The following FAR1 variants were observed in gnomAD, a reference collection of about 807,000 sequenced individuals.
FAR1 encodes fatty acyl-CoA reductase 1, also known as male sterility domain-containing protein 2.
In FAR1, 22 loss-of-function variants were observed where a neutral mutation model predicts 61.1. The observed-to-expected ratio is 0.36, with a 90% CI of 0.26 to 0.51. The LOEUF is 0.51. Ranked by LOEUF, FAR1 falls within the 20% of genes least tolerant of loss-of-function variation. The pLI is 0.95. For missense variants in FAR1, 359 were observed against 626.9 expected (o/e 0.57, Z 4.56); for synonymous variants, 206 against 209.7 (o/e 0.98, Z 0.15).
At chr11:13,707,088 G>T (rs1848440291) in intron 3 of FAR1, among the ~76,000 whole-genome samples, 1 of 152,042 alleles carries the variant, frequency 6.6e-6, no homozygotes, top group Admixed American at 6.6e-5. Context: ...AATTATTTTA[G>T]TAGCTATATT....
intron 9 of FAR1, among the ~76,000 whole-genome samples, chr11:13,716,483 G>T (rs541304558): frequency 2.0e-5 from 3 of 152,286 alleles, no homozygotes; most frequent in Non-Finnish European, 2.9e-5. Flanking sequence ...GAAAGAGGCC[G>T]GTGGGCAGAG....
chr11:13,675,249 A>G (rs908362207), intron 1 of FAR1, among the ~76,000 whole-genome samples: 5 of 152,160 alleles, frequency 3.3e-5, no homozygotes, highest in African/African-American at 1.2e-4. Context: ...GACTGTACAT[A>G]TGTGAAACAG....
Position 13,680,264 on chromosome 11 carries a change from G to A in FAR1, c.-8+11458G>A, listed in dbSNP as rs1467410798. On this transcript the variant is annotated intron_variant, in intron 1 of 11. Transcript: ENST00000354817. ...TTGCTTATAGATTTCTTTCAGGTGAGGTTTTCTTTTTTGAGATAGGTTCTC... is the reference window on the plus strand; with the variant it reads ...TTGCTTATAGATTTCTTTCAGGTGAAGTTTTCTTTTTTGAGATAGGTTCTC... Among the ~76,000 whole-genome samples, 5 of 152,210 alleles carry A rather than the reference G, an allele frequency of 3.3e-5. No individual in the cohort carries two copies. In the East Asian group the frequency reaches 9.7e-4, roughly 29 times the overall value.
At chr11:13,715,686 C>G (rs1848547847) in intron 9 of FAR1, 1 of 151,902 alleles carries the variant, frequency 6.6e-6, no homozygotes, top group Non-Finnish European at 1.5e-5. Context: ...GCTTTTCTTT[C>G]TTTTTTTTGT....
At chr11:13,699,965 CATTGTCCTAATGTCTAT>C (rs2134183619) in intron 2 of FAR1, among the ~76,000 whole-genome samples, 1 of 152,200 alleles carries the variant, frequency 6.6e-6, no homozygotes, top group East Asian at 1.9e-4. Context: ...TCATTTTAAA[CATTGTCCTAATGTCTAT>C]ATTGCTGAAG....
chr11:13,683,202 G>A (rs1848147643), intron 1 of FAR1, among the ~76,000 whole-genome samples: 1 of 152,082 alleles, frequency 6.6e-6, no homozygotes, highest in Admixed American at 6.6e-5. Flanking sequence ...AGACCAGCCT[G>A]GCCAACATGG....
At chr11:13,676,228 C>G (rs897108883) in intron 1 of FAR1, among the ~76,000 whole-genome samples, 4 of 152,034 alleles carry the variant, frequency 2.6e-5, no homozygotes, top group African/African-American at 9.7e-5. Context: ...TAATTGAATT[C>G]TTGGGGAAAA....
chr11:13,723,225 C>G (rs942425089), intron 10 of FAR1: 1 of 269,892 alleles, frequency 3.7e-6, no homozygotes. Context: ...ATCAGACAGG[C>G]ATGGTGACAT....
intron 1 of FAR1, among the ~76,000 whole-genome samples, chr11:13,678,303 C>T (rs193242528): frequency 3.3e-5 from 5 of 152,080 alleles, no homozygotes; most frequent in African/African-American, 9.6e-5. Context: ...CTCGCTGTGT[C>T]GCCCAGGAGG....
At chr11:13,704,300 A>C (rs762459676) in intron 3 of FAR1, among the ~76,000 whole-genome samples, 78 of 152,112 alleles carry the variant, frequency 5.1e-4, no homozygotes, top group Non-Finnish European at 8.4e-4. Flanking sequence ...GAAAATTCAT[A>C]GTACAAAATT....
At chr11:13,694,514 A>G (rs2134179802) in intron 1 of FAR1, among the ~76,000 whole-genome samples, 1 of 152,372 alleles carries the variant, frequency 6.6e-6, no homozygotes, top group Non-Finnish European at 1.5e-5. Flanking sequence ...ACTCAAGTCC[A>G]GAGAACGTGA....
intron 9 of FAR1, among the ~76,000 whole-genome samples, chr11:13,717,710 G>A (rs749465009): frequency 1.3e-5 from 2 of 152,174 alleles, no homozygotes; most frequent in Non-Finnish European, 2.9e-5. Context: ...AGCAGGACAT[G>A]CGGTTTTTGT....
chr11:13,713,855 ATTC>A (rs1267716262), intron 8 of FAR1, among the ~76,000 whole-genome samples: 20 of 152,126 alleles, frequency 1.3e-4, no homozygotes, highest in Admixed American at 5.9e-4. Context: ...TATTTTCAGT[ATTC>A]TTTTAAGAAT....
chr11:13,699,243 A>G (rs905478617), intron 2 of FAR1, among the ~76,000 whole-genome samples: 1 of 152,170 alleles, frequency 6.6e-6, no homozygotes, highest in African/African-American at 2.4e-5. Flanking sequence ...GCTTAACACT[A>G]TATTTTAATT....
At chr11:13,683,925 G>A (rs766935151) in intron 1 of FAR1, among the ~76,000 whole-genome samples, 6 of 152,220 alleles carry the variant, frequency 3.9e-5, no homozygotes, top group Non-Finnish European at 7.3e-5. Flanking sequence ...TATACCTGTT[G>A]TGAGTTACTG....
Position 13,730,572 on chromosome 11 carries a change from C to G in FAR1, c.*1798C>G, listed in dbSNP as rs575712365. On this transcript the variant is annotated 3_prime_UTR_variant, in exon 12 of 12. Transcript: ENST00000354817. ...ATAATATACATTGAGTACTCCATCT[C>G]TCCAAATGTATTTCCATAATGTGTT... The G allele has an allele frequency of 7.2e-5, 11 of 152,036 alleles. No individual in the cohort carries two copies. Among genetic ancestry groups the G allele is most frequent in the Non-Finnish European group, 1.3e-4 (9 of 67,954 alleles). The allele number at this position is 152,036 out of a possible 1,614,324, so 9.4% of individuals were successfully genotyped here. A position where few individuals can be genotyped will look rare whatever the true frequency, so the allele number is the denominator to read the frequency against.
rs751802692 is a variant in FAR1, at chr11:13,711,999, A to G, written c.840A>G (p.Val280=). 6.2e-7 allele frequency: 1 copy of G among 1,613,416 alleles called. No individual in the cohort carries two copies. The highest frequency in any genetic ancestry group is 1.3e-5 in the African/African-American group (1 of 74,996). The part of the protein sequence containing the change: ...NALADLVPVD[V]VVNMSLAAAW... ...TTGCAGATCTTGTTCCTGTAGATGT[A>G]GTTGTCAACATGAGTCTTGCGGCAG... Residue 280 remains valine, a synonymous_variant, in exon 7 of 12, where the codon GTA becomes GTG. Transcript: ENST00000354817.
At chr11:13,728,511 G>T (rs140029078) in intron 11 of FAR1, 101 bp from the exon 12 acceptor site, 57 of 1,066,868 alleles carry the variant, frequency 5.3e-5, no homozygotes, top group South Asian at 3.9e-4. Flanking sequence ...AATTAATATG[G>T]ATTTGAGCTT....
chr11:13,685,541 G>C (rs1848176612), intron 1 of FAR1: 1 of 217,364 alleles, frequency 4.6e-6, no homozygotes, highest in Non-Finnish European at 9.9e-6. Flanking sequence ...TCCTTTTGGA[G>C]TTGTACCTGA....
Sources: allele counts gnomAD v4.1 joint callset (sites outside exome capture counted in the v4.1 genomes callset), GRCh38; gene constraint gnomAD v4.1.1; transcripts MANE v1.5; gene names NCBI Gene and HGNC (gene_info 2026-07-23, HGNC 2026-07-21).